CPEB3: variants seen among roughly 807,000 people sequenced by gnomAD.
CPEB3 encodes the protein cytoplasmic polyadenylation element-binding protein 3.
A neutral mutation model predicts 67.2 loss-of-function variants in CPEB3; 20 were observed. The observed-to-expected ratio is 0.30, with a 90% confidence interval of 0.21 to 0.43. CPEB3 has a LOEUF of 0.43. CPEB3 is among the 20% of genes least tolerant of loss of function. The pLI is 1.00. For missense variants in CPEB3, 746 were observed against 968.6 expected (o/e 0.77, Z 3.05); for synonymous variants, 376 against 393.1 (o/e 0.96, Z 0.51).
intron 4 of CPEB3, among the ~76,000 whole-genome samples, chr10:92,149,627 C>A (rs1846863248): frequency 6.6e-6 from 1 of 152,140 alleles, no homozygotes. Context: ...GGTTTTAAAA[C>A]CAAACCTCTG....
At chr10:92,126,006 G>C (rs543001730) in intron 6 of CPEB3, among the ~76,000 whole-genome samples, 2 of 152,206 alleles carry the variant, frequency 1.3e-5, no homozygotes, top group South Asian at 4.1e-4. Flanking sequence ...TTACAGGCAT[G>C]AACCACCACA....
chr10:92,103,412 T>C (rs1259493298), intron 7 of CPEB3, among the ~76,000 whole-genome samples: 1 of 152,230 alleles, frequency 6.6e-6, no homozygotes, highest in Non-Finnish European at 1.5e-5. Flanking sequence ...GCTCTAAAAA[T>C]TATCCCTACT....
intron 7 of CPEB3, among the ~76,000 whole-genome samples, chr10:92,107,515 C>G (rs1480433576): frequency 6.6e-6 from 1 of 152,228 alleles, no homozygotes; most frequent in Non-Finnish European, 1.5e-5. Flanking sequence ...GCTAGACCTT[C>G]TAGGTCCCTT....
intron 4 of CPEB3, among the ~76,000 whole-genome samples, chr10:92,148,529 A>G (rs1221611553): frequency 6.6e-6 from 1 of 152,014 alleles, no homozygotes; most frequent in Admixed American, 6.6e-5. Context: ...GGACCATTAT[A>G]CCATTTGGGT....
intron 6 of CPEB3, among the ~76,000 whole-genome samples, chr10:92,131,528 G>T (rs1343391263): frequency 6.6e-6 from 1 of 152,192 alleles, no homozygotes; most frequent in Non-Finnish European, 1.5e-5. Flanking sequence ...CTTGGAAAGA[G>T]AAACTGATAG....
chr10:92,109,528 A>G (rs1165938913), intron 7 of CPEB3, among the ~76,000 whole-genome samples: 1 of 152,148 alleles, frequency 6.6e-6, no homozygotes, highest in Non-Finnish European at 1.5e-5. Context: ...CTGGGATTAC[A>G]GGCGTGAGCT....
At chr10:92,069,818 A>G (rs1289335309) in intron 9 of CPEB3, among the ~76,000 whole-genome samples, 4 of 152,230 alleles carry the variant, frequency 2.6e-5, no homozygotes, top group Non-Finnish European at 4.4e-5. Context: ...TCAATGGTAT[A>G]CTGATTTCAA....
chr10:92,145,159 C>A, intron 4 of CPEB3, 74 bp from the exon 5 acceptor site: 1 of 1,547,580 alleles, frequency 6.5e-7, no homozygotes. Flanking sequence ...TTTTCTAGGA[C>A]AATAAATGCT....
chr10:92,146,062 C>A (rs529831017), intron 4 of CPEB3, among the ~76,000 whole-genome samples: 32 of 152,168 alleles, frequency 2.1e-4, no homozygotes, highest in African/African-American at 7.5e-4. Context: ...GGTTATGAAA[C>A]CCTTAACCCT....
chr10:92,086,145 C>A (rs1484489975), intron 8 of CPEB3, among the ~76,000 whole-genome samples: 1 of 152,130 alleles, frequency 6.6e-6, no homozygotes, highest in Non-Finnish European at 1.5e-5. Flanking sequence ...AGATTCTAAA[C>A]TGCGAATCTA....
intron 4 of CPEB3, among the ~76,000 whole-genome samples, chr10:92,161,726 A>G (rs1847492007): frequency 6.6e-6 from 1 of 152,196 alleles, no homozygotes; most frequent in African/African-American, 2.4e-5. Context: ...GTGCAGTGGC[A>G]TGATCTTGGT....
intron 4 of CPEB3, among the ~76,000 whole-genome samples, chr10:92,178,475 C>A (rs1187355585): frequency 6.6e-6 from 1 of 152,034 alleles, no homozygotes; most frequent in African/African-American, 2.4e-5. Flanking sequence ...ATTATTCCTA[C>A]ATGAAGGTTG....
At chr10:92,161,540 T>G (rs1847480991) in intron 4 of CPEB3, among the ~76,000 whole-genome samples, 1 of 152,042 alleles carries the variant, frequency 6.6e-6, no homozygotes, top group Non-Finnish European at 1.5e-5. Flanking sequence ...CCCAAAGTAT[T>G]GGAATTACAG....
chr10:92,058,784 G>A (rs1192615685), intron 9 of CPEB3, among the ~76,000 whole-genome samples: 1 of 151,436 alleles, frequency 6.6e-6, no homozygotes, highest in Non-Finnish European at 1.5e-5. Flanking sequence ...CTTTATTGAT[G>A]AAAGATGCAG....
chr10:92,215,688 G>A (rs1227345007), intron 2 of CPEB3, among the ~76,000 whole-genome samples: 1 of 148,590 alleles, frequency 6.7e-6, no homozygotes, highest in Admixed American at 6.8e-5. Flanking sequence ...TGATCTGTCT[G>A]CCTCGGTCTC....
In CPEB3 at chr10:92,049,598, T is replaced by C. The variant is rs1191975113; in HGVS notation, c.*2614A>G. On this transcript the variant is annotated 3_prime_UTR_variant, in exon 10 of 10. Transcript: ENST00000265997. Reference sequence around the variant, plus strand: ...CACAATCAACACTTGATTAGAAATATACAAATTAAGGGAAAGTAGTTTCCA... The same window carrying C: ...CACAATCAACACTTGATTAGAAATACACAAATTAAGGGAAAGTAGTTTCCA... 1.3e-5 allele frequency: 2 copies of C among 152,636 alleles called. No homozygotes were observed. Among genetic ancestry groups the C allele is most frequent in the Admixed American group, 6.5e-5 (1 of 15,276 alleles). 9.5% of individuals were successfully genotyped at this position (152,636 alleles called of 1,614,324 possible). A position where few individuals can be genotyped will look rare whatever the true frequency, so the allele number is the denominator to read the frequency against.
chr10:92,278,547 CT>C (rs1842101327), intron 1 of CPEB3, among the ~76,000 whole-genome samples: 1 of 150,640 alleles, frequency 6.6e-6, no homozygotes, highest in Non-Finnish European at 1.5e-5. Context: ...AACACAATAC[CT>C]TTTTGCACAT....
intron 2 of CPEB3, among the ~76,000 whole-genome samples, chr10:92,221,009 T>C (rs1248106143): frequency 6.6e-6 from 1 of 152,220 alleles, no homozygotes; most frequent in Non-Finnish European, 1.5e-5. Flanking sequence ...AGCTCTATTT[T>C]CCACTCCTTT....
intron 1 of CPEB3, among the ~76,000 whole-genome samples, chr10:92,275,039 G>A (rs1046215285): frequency 3.9e-5 from 6 of 152,050 alleles, no homozygotes; most frequent in Admixed American, 3.3e-4. Context: ...CAATTCTCTG[G>A]GACAGCCACT....
Sources: gnomAD v4.1 joint callset for allele counts (sites outside exome capture counted in the v4.1 genomes callset) on GRCh38, gnomAD v4.1.1 for gene constraint, MANE v1.5 for transcripts, NCBI Gene and HGNC (gene_info 2026-07-23, HGNC 2026-07-21) for gene names.